Variants in LYZL2 observed in about 807,000 individuals in gnomAD.
LYZL2 encodes the protein lysozyme-like protein 2.
Under a neutral mutation model 17.1 loss-of-function variants are expected in LYZL2, and 13 were observed. The ratio of observed to expected loss-of-function variants is 0.76; its 90% CI spans 0.49 to 1.21. LYZL2 has a LOEUF of 1.21. Ranked by LOEUF, LYZL2 falls within the 50% of genes most tolerant of loss-of-function variation. The pLI is 0.00. For missense variants in LYZL2, 166 were observed against 189.2 expected, an observed-to-expected ratio of 0.88 and a Z score of 0.72; for synonymous variants, 63 against 74.4, an observed-to-expected ratio of 0.85 and a Z score of 0.79.
chr10:30,623,460 G>A (rs1479598744), intron 3 of LYZL2, among the ~76,000 whole-genome samples: 2 of 152,186 alleles, frequency 1.3e-5, no homozygotes, highest in Non-Finnish European at 2.9e-5. Flanking sequence ...GAGGTGAGCA[G>A]CAGGTGAGTG....
chr10:30,614,601 T>C (rs1227796126), intron 3 of LYZL2, among the ~76,000 whole-genome samples: 1 of 152,172 alleles, frequency 6.6e-6, no homozygotes, highest in Non-Finnish European at 1.5e-5. Flanking sequence ...ACAAAAATAC[T>C]CAAACCACTT....
In LYZL2 at chr10:30,621,387, G is replaced by A. The variant is rs1395323938; in HGVS notation, c.298+4718C>T. 3.3e-5 allele frequency among the ~76,000 whole-genome samples: 5 copies of A among 151,898 alleles called. No individual in the cohort carries two copies. The East Asian group carries it at 7.8e-4, about 24-fold the overall frequency. On this transcript the variant is annotated intron_variant, in intron 3 of 4. Coordinates refer to ENST00000647634, the MANE Select transcript of LYZL2 (RefSeq NM_183058.3). ...CTGAGCCCAGGAGTTTGAGACCAGC[G>A]TGGGTAACATGACGAGACCCCATCT... is the stretch of plus-strand genomic sequence containing the variant.
At chr10:30,620,944 A>G (rs540557596) in intron 3 of LYZL2, among the ~76,000 whole-genome samples, 2 of 152,290 alleles carry the variant, frequency 1.3e-5, no homozygotes, top group South Asian at 2.1e-4. Flanking sequence ...GAAAAATACT[A>G]AAAAACGAGG....
chr10:30,620,493 T>C (rs1477568666), intron 3 of LYZL2, among the ~76,000 whole-genome samples: 3 of 152,264 alleles, frequency 2.0e-5, no homozygotes, highest in African/African-American at 4.8e-5. Context: ...AATTACTTTA[T>C]GCTACATCTC....
chr10:30,627,941 C>T (rs1196668397), intron 1 of LYZL2, among the ~76,000 whole-genome samples: 2 of 152,196 alleles, frequency 1.3e-5, no homozygotes, highest in Non-Finnish European at 2.9e-5. Context: ...GGGCGGATCA[C>T]GAGGTCAGGA....
At chr10:30,607,895 G>A (rs1457644665), downstream of LYZL2, among the ~76,000 whole-genome samples, 1 of 152,196 alleles carries the variant, frequency 6.6e-6, no homozygotes, top group Non-Finnish European at 1.5e-5. Context: ...CACTGTAGAG[G>A]AAATCCGATA....
chr10:30,614,955 T>C (rs1317807168), intron 3 of LYZL2, among the ~76,000 whole-genome samples: 2 of 152,258 alleles, frequency 1.3e-5, no homozygotes, highest in Non-Finnish European at 2.9e-5. Flanking sequence ...AAATTAGTCA[T>C]AATACCTTCA....
chr10:30,608,127 G>A (rs417063), downstream of LYZL2, among the ~76,000 whole-genome samples: 74,389 of 152,010 alleles, frequency 0.49, 18,999 homozygotes, highest in Middle Eastern at 0.57. Context: ...ACTTTTTGTA[G>A]AGATGGGATC....
At chr10:30,627,334 G>A (rs1173429581) in intron 1 of LYZL2, among the ~76,000 whole-genome samples, 1 of 151,800 alleles carries the variant, frequency 6.6e-6, no homozygotes, top group Non-Finnish European at 1.5e-5. Flanking sequence ...TGAACTGCGT[G>A]GGTCCATTTA....
At chr10:30,614,761 G>A (rs1252907807) in intron 3 of LYZL2, among the ~76,000 whole-genome samples, 2 of 152,120 alleles carry the variant, frequency 1.3e-5, no homozygotes, top group Non-Finnish European at 2.9e-5. Context: ...AACCAACATA[G>A]CAGCATGTGT....
rs540345823 is a variant in LYZL2, at chr10:30,621,777, C to T, written c.298+4328G>A. Among the ~76,000 whole-genome samples the T allele has an allele frequency of 5.3e-5, 8 of 152,122 alleles. No individual in the cohort carries two copies. The East Asian group carries it at 7.7e-4, about 15-fold the overall frequency. On this transcript the variant is annotated intron_variant, in intron 3 of 4. Coordinates refer to ENST00000647634, the MANE Select transcript of LYZL2 (RefSeq NM_183058.3). Reference sequence around the variant, plus strand: ...GAAAGTTCTTTAGGCTGAAGGAAAACGATATCAATTAACTGTCTGCTCAAG... The same window carrying T: ...GAAAGTTCTTTAGGCTGAAGGAAAATGATATCAATTAACTGTCTGCTCAAG...
At chr10:30,619,767 T>G (rs1838591376) in intron 3 of LYZL2, among the ~76,000 whole-genome samples, 1 of 152,008 alleles carries the variant, frequency 6.6e-6, no homozygotes, top group Non-Finnish European at 1.5e-5. Context: ...AAATGGCACA[T>G]GTATACATAT....
rs1480733151 is a variant in LYZL2, at chr10:30,626,317, A to T, written c.140-54T>A. 6 of 1,599,840 alleles carry T rather than the reference A, an allele frequency of 3.8e-6. No individual in the cohort carries two copies. The Admixed American group carries it at 1.0e-4, about 27-fold the overall frequency. ...CAAAGGAGGTGCCATCTTTTGCTCTAAGCTTGGTCTAAGGGCAAGTTTCCT... is the reference window on the plus strand; with the variant it reads ...CAAAGGAGGTGCCATCTTTTGCTCTTAGCTTGGTCTAAGGGCAAGTTTCCT... On this transcript the variant is annotated intron_variant, in intron 2 of 4. Coordinates refer to ENST00000647634, the MANE Select transcript of LYZL2 (RefSeq NM_183058.3).
downstream of LYZL2, chr10:30,611,705 A>G (rs1838445697): frequency 3.0e-6 from 1 of 329,686 alleles, no homozygotes; most frequent in Non-Finnish European, 4.9e-6. Context: ...AGAAAGAAAA[A>G]GAAAGAAAGA....
intron 1 of LYZL2, among the ~76,000 whole-genome samples, chr10:30,628,180 T>C (rs1307577842): frequency 6.6e-6 from 1 of 152,054 alleles, no homozygotes; most frequent in East Asian, 1.9e-4. Flanking sequence ...AGATTCATCG[T>C]TTGGGGGTTT....
intron 3 of LYZL2, among the ~76,000 whole-genome samples, chr10:30,616,045 G>T (rs1233549746): frequency 6.6e-6 from 1 of 152,166 alleles, no homozygotes; most frequent in Non-Finnish European, 1.5e-5. Flanking sequence ...CAAAAATAAT[G>T]TTAGCATAAA....
downstream of LYZL2, chr10:30,611,736 G>GAAA (rs1554785024): frequency 5.6e-5 from 27 of 485,154 alleles, no homozygotes; most frequent in African/African-American, 4.1e-4. Flanking sequence ...AGAAAAGAAA[G>GAAA]GAAAGAAAGA....
chr10:30,608,903 G>A (rs117108556), downstream of LYZL2, among the ~76,000 whole-genome samples: 5,319 of 152,078 alleles, frequency 0.035, 135 homozygotes, highest in South Asian at 0.05. Flanking sequence ...GCAGTGGCTC[G>A]ATCATAGTTC....
At chr10:30,614,818 C>T (rs1838502677) in intron 3 of LYZL2, among the ~76,000 whole-genome samples, 1 of 152,140 alleles carries the variant, frequency 6.6e-6, no homozygotes, top group African/African-American at 2.4e-5. Context: ...TAATTTCTCT[C>T]TCCAGATCTA....
Sources: allele counts gnomAD v4.1 joint callset (sites outside exome capture counted in the v4.1 genomes callset), GRCh38; gene constraint gnomAD v4.1.1; transcripts MANE v1.5; gene names NCBI Gene and HGNC (gene_info 2026-07-23, HGNC 2026-07-21).